The following SUPT3H variants were observed in gnomAD, a reference collection of about 807,000 sequenced individuals.
SUPT3H encodes the protein transcription initiation protein SPT3 homolog.
SUPT3H carries 44 observed loss-of-function variants against 44.3 expected under a neutral mutation model. The observed-to-expected ratio is 0.99, with a 90% CI of 0.78 to 1.28. The LOEUF is 1.28. Ranked by LOEUF, SUPT3H falls within the 50% of genes most tolerant of loss-of-function variation. SUPT3H has a pLI of 0.00. For missense variants in SUPT3H, 380 were observed against 387.1 expected (o/e 0.98, Z 0.15); for synonymous variants, 124 against 125.6 (o/e 0.99, Z 0.09).
chr6:45,120,417 T>TAAAAAAAAAAAAAAAAAA (rs71687494), intron 2 of SUPT3H, among the ~76,000 whole-genome samples: 4 of 50,508 alleles, frequency 7.9e-5, no homozygotes, highest in Admixed American at 2.6e-4. Flanking sequence ...AGACCTTGTC[T>TAAAAAAAAAAAAAAAAAA]AAAAAAAAAA....
rs376256605 is a variant in SUPT3H at position 45,252,131 on chromosome 6, A to G, written c.101+113070T>C. 2.8e-4 allele frequency among the ~76,000 whole-genome samples: 43 copies of G among 152,294 alleles called. 1 individual carries two copies. Among genetic ancestry groups the G allele is most frequent in the South Asian group, 1.0e-3 (5 of 4,830 alleles). ...TACTGCAAATGTTTATTGATTCTCA[A>G]CTATGTTCTACATATAATATTATAG... On this transcript the variant is annotated intron_variant, in intron 2 of 10. Coordinates refer to ENST00000371459, the MANE Select transcript of SUPT3H (RefSeq NM_003599.4).
At chr6:45,348,915 T>C (rs1791473804) in intron 2 of SUPT3H, among the ~76,000 whole-genome samples, 1 of 152,178 alleles carries the variant, frequency 6.6e-6, no homozygotes, top group East Asian at 1.9e-4. Context: ...TACATTTTCC[T>C]TCAGAGTCCT....
chr6:45,174,392 A>G (rs1213756004), intron 2 of SUPT3H, among the ~76,000 whole-genome samples: 1 of 152,216 alleles, frequency 6.6e-6, no homozygotes, highest in Non-Finnish European at 1.5e-5. Flanking sequence ...TTCCTCTCTT[A>G]TGACACAAGG....
chr6:45,020,634 T>C lies in SUPT3H; in HGVS notation c.187-2A>G, dbSNP rs1784993181. The C allele has an allele frequency of 6.2e-7, 1 of 1,608,432 alleles. No individual in the cohort carries two copies. Reference sequence around the variant, plus strand: ...AGAAACTTCAGCAGCTTGCTGTAACTAACAATAATGAAAATTTAGAAATTT... The same window carrying C: ...AGAAACTTCAGCAGCTTGCTGTAACCAACAATAATGAAAATTTAGAAATTT... On this transcript the variant is annotated splice_acceptor_variant, in intron 3 of 10. Transcript: ENST00000371459. LOFTEE classifies it high-confidence loss of function.
Position 45,133,811 on chromosome 6 carries a change from G to T in SUPT3H, c.102-27805C>A, listed in dbSNP as rs1274567466. The stretch of plus-strand genomic sequence containing the variant: ...ACTTGATTTAGTATTGTCAGTTAAA[G>T]TGGCAATATTAGTGGCACATGAACA... On this transcript the variant is annotated intron_variant, in intron 2 of 10. Coordinates refer to ENST00000371459, the MANE Select transcript of SUPT3H (RefSeq NM_003599.4). 8.5e-5 allele frequency among the ~76,000 whole-genome samples: 13 copies of T among 152,290 alleles called. 1 individual carries two copies. The South Asian group carries it at 2.7e-3, about 32-fold the overall frequency.
chr6:45,321,762 A>C (rs772946167), intron 2 of SUPT3H: 8 of 1,467,102 alleles, frequency 5.5e-6, no homozygotes, highest in Non-Finnish European at 7.6e-6. Flanking sequence ...TGTTCTCTTG[A>C]AAAGCGATAG....
chr6:44,947,133 T>C (rs79052156), intron 9 of SUPT3H, among the ~76,000 whole-genome samples: 1 of 152,310 alleles, frequency 6.6e-6, no homozygotes, highest in East Asian at 1.9e-4. Context: ...GTTTTAGACA[T>C]AATGCCATTG....
intron 10 of SUPT3H, among the ~76,000 whole-genome samples, chr6:44,856,858 T>A (rs1773818138): frequency 6.6e-6 from 1 of 152,210 alleles, no homozygotes; most frequent in African/African-American, 2.4e-5. Flanking sequence ...TATGCTAATT[T>A]AAGGCAAAGG....
At chr6:44,949,458 A>C (rs1025000342) in intron 9 of SUPT3H, among the ~76,000 whole-genome samples, 1 of 152,070 alleles carries the variant, frequency 6.6e-6, no homozygotes, top group Non-Finnish European at 1.5e-5. Context: ...AAAAGAAAAA[A>C]ATTGGATAAA....
intron 2 of SUPT3H, among the ~76,000 whole-genome samples, chr6:45,134,413 A>AG (rs1803958239): frequency 6.6e-6 from 1 of 152,204 alleles, no homozygotes; most frequent in Non-Finnish European, 1.5e-5. Flanking sequence ...TTCTGCCACT[A>AG]GCCTTCAAAA....
intron 9 of SUPT3H, among the ~76,000 whole-genome samples, chr6:44,951,912 C>G (rs1272629851): frequency 6.6e-6 from 1 of 152,030 alleles, no homozygotes; most frequent in African/African-American, 2.4e-5. Flanking sequence ...GAACAAACAT[C>G]AAAGACATTT....
chr6:45,065,144 G>C (rs986370093), intron 3 of SUPT3H, among the ~76,000 whole-genome samples: 3 of 151,786 alleles, frequency 2.0e-5, no homozygotes, highest in African/African-American at 7.3e-5. Context: ...CTAGAATTCA[G>C]GATTAAGAAT....
chr6:45,030,659 T>C (rs1371776712), intron 3 of SUPT3H, among the ~76,000 whole-genome samples: 1 of 152,154 alleles, frequency 6.6e-6, no homozygotes, highest in Non-Finnish European at 1.5e-5. Context: ...GCCAATGTAA[T>C]GATTAGAAAA....
intron 10 of SUPT3H, among the ~76,000 whole-genome samples, chr6:44,884,646 G>A (rs538770925): frequency 6.7e-4 from 102 of 152,258 alleles, no homozygotes; most frequent in Admixed American, 2.0e-3. Flanking sequence ...CAAGATGGCC[G>A]AATAGGAACA....
At chr6:45,061,366 T>C (rs961715531) in intron 3 of SUPT3H, among the ~76,000 whole-genome samples, 2 of 152,176 alleles carry the variant, frequency 1.3e-5, no homozygotes, top group African/African-American at 2.4e-5. Flanking sequence ...AAAAACTGCA[T>C]GTTCTCATTT....
At chr6:45,374,372 C>T (rs142274385) in intron 1 of SUPT3H, among the ~76,000 whole-genome samples, 5 of 152,232 alleles carry the variant, frequency 3.3e-5, no homozygotes, top group Admixed American at 6.5e-5. Flanking sequence ...CTCTTATGAA[C>T]CTAGAAGCAG....
intron 6 of SUPT3H, among the ~76,000 whole-genome samples, chr6:44,990,367 A>C (rs1780447464): frequency 1.3e-5 from 2 of 152,042 alleles, no homozygotes; most frequent in Non-Finnish European, 2.9e-5. Flanking sequence ...CTCATGTTAA[A>C]ATGTGATTTC....
chr6:45,212,481 ATGTGTGTGTGTGTGTGTGTG>A (rs11269206), intron 2 of SUPT3H, among the ~76,000 whole-genome samples: 69 of 43,444 alleles, frequency 1.6e-3, no homozygotes, highest in African/African-American at 4.6e-3. Flanking sequence ...CACCTCCACT[ATGTGTGTGTGTGTGTGTGTG>A]TGTGTGTGTG....
chr6:45,280,963 AT>A (rs1777934571), intron 2 of SUPT3H, among the ~76,000 whole-genome samples: 1 of 152,248 alleles, frequency 6.6e-6, no homozygotes, highest in South Asian at 2.1e-4. Flanking sequence ...GCTAACAAAA[AT>A]AAAGGGGGAA....
Sources: gnomAD v4.1 joint callset for allele counts (sites outside exome capture counted in the v4.1 genomes callset) on GRCh38, gnomAD v4.1.1 for gene constraint, MANE v1.5 for transcripts, NCBI Gene and HGNC (gene_info 2026-07-23, HGNC 2026-07-21) for gene names.